Variants in PHF21A observed in about 807,000 individuals in gnomAD.
PHF21A encodes the protein BHC80a.
A neutral mutation model predicts 82.5 loss-of-function variants in PHF21A; 11 were observed. That is an observed-to-expected ratio of 0.13 (90% CI 0.08 to 0.22). The LOEUF is 0.22. PHF21A is among the 10% of genes least tolerant of loss of function. The pLI is 1.00. For synonymous variants in PHF21A, 297 were observed against 302.8 expected (o/e 0.98, Z 0.20); for missense variants, 579 against 837.8 (o/e 0.69, Z 3.81).
At chr11:46,048,827 T>C (rs556473028) in intron 6 of PHF21A, among the ~76,000 whole-genome samples, 2 of 152,234 alleles carry the variant, frequency 1.3e-5, no homozygotes, top group African/African-American at 4.8e-5. Context: ...TTAGGATCTA[T>C]ACCTGGAAAT....
At chr11:46,119,059 C>T (rs944866700) in intron 1 of PHF21A, among the ~76,000 whole-genome samples, 3 of 151,928 alleles carry the variant, frequency 2.0e-5, no homozygotes, top group African/African-American at 7.3e-5. Flanking sequence ...TTAAAGAATC[C>T]CTATCAAGTG....
At chr11:46,101,664 G>A (rs1321686898) in intron 1 of PHF21A, among the ~76,000 whole-genome samples, 6 of 152,036 alleles carry the variant, frequency 3.9e-5, no homozygotes, top group African/African-American at 1.2e-4. Context: ...ACAGTGTCTC[G>A]CTTTGTTGCC....
intron 1 of PHF21A, chr11:46,117,376 T>G (rs894661026): frequency 1.3e-5 from 2 of 152,220 alleles, no homozygotes; most frequent in African/African-American, 4.8e-5. Context: ...ACTGTTAAAG[T>G]AGCTATATTC....
intron 10 of PHF21A, among the ~76,000 whole-genome samples, chr11:45,955,226 G>A (rs985593135): frequency 6.6e-6 from 1 of 151,986 alleles, no homozygotes; most frequent in Non-Finnish European, 1.5e-5. Context: ...AGAGTTGATT[G>A]GGCTTCTGGG....
At chr11:46,072,056 A>G (rs1464368358) in intron 6 of PHF21A, among the ~76,000 whole-genome samples, 1 of 152,060 alleles carries the variant, frequency 6.6e-6, no homozygotes, top group Non-Finnish European at 1.5e-5. Flanking sequence ...AGCAAATAAA[A>G]CAAACACGTT....
chr11:46,061,147 T>C (rs2096530390), intron 6 of PHF21A, among the ~76,000 whole-genome samples: 1 of 152,204 alleles, frequency 6.6e-6, no homozygotes, highest in South Asian at 2.1e-4. Flanking sequence ...CTGGGTTCTG[T>C]ATTCTGTTCT....
Position 46,014,937 on chromosome 11 carries a change from G to A in PHF21A, c.154-34971C>T, listed in dbSNP as rs1209608019. Among the ~76,000 whole-genome samples the A allele has an allele frequency of 1.9e-4, 18 of 95,470 alleles. 7 individuals are homozygous for A. In the East Asian group the frequency reaches 5.1e-3, roughly 27 times the overall value. The allele number at this position is 95,470 out of a possible 152,430, so 62.6% of individuals were successfully genotyped here. A position where few individuals can be genotyped will look rare whatever the true frequency, so the allele number is the denominator to read the frequency against. The stretch of plus-strand genomic sequence containing the variant: ...GGAGCTTGCAGTGAGCCGAGATCCC[G>A]CCACTGCACTCCAGCCTGGGCGACA... On this transcript the variant is annotated intron_variant, in intron 6 of 18. Coordinates refer to ENST00000676320, the MANE Select transcript of PHF21A (RefSeq NM_001352027.3).
chr11:45,979,258 A>G (rs1039900251), intron 7 of PHF21A, among the ~76,000 whole-genome samples: 1 of 152,054 alleles, frequency 6.6e-6, no homozygotes, highest in African/African-American at 2.4e-5. Flanking sequence ...ACCTCAAGTG[A>G]TCTGCCCACC....
At chr11:46,064,645 A>G (rs1209888748) in intron 6 of PHF21A, among the ~76,000 whole-genome samples, 5 of 152,132 alleles carry the variant, frequency 3.3e-5, no homozygotes, top group African/African-American at 9.7e-5. Flanking sequence ...TCTGTTGGGG[A>G]AAAAAAGAAG....
At chr11:46,083,899 G>T (rs1199014498) in intron 4 of PHF21A, among the ~76,000 whole-genome samples, 1 of 151,946 alleles carries the variant, frequency 6.6e-6, no homozygotes, top group Non-Finnish European at 1.5e-5. Context: ...GCAGAAAAAA[G>T]ATTTCTTTCT....
chr11:45,966,375 TTGA>T (rs1310086053), intron 9 of PHF21A, among the ~76,000 whole-genome samples: 1 of 152,216 alleles, frequency 6.6e-6, no homozygotes, highest in Non-Finnish European at 1.5e-5. Flanking sequence ...GGAATCACTC[TTGA>T]TGATTCCTAC....
chr11:46,035,227 T>C (rs1408309695), intron 6 of PHF21A, among the ~76,000 whole-genome samples: 1 of 152,200 alleles, frequency 6.6e-6, no homozygotes, highest in Non-Finnish European at 1.5e-5. Context: ...TTTCCTGAAG[T>C]GGACAGCCAA....
intron 1 of PHF21A, among the ~76,000 whole-genome samples, chr11:46,097,766 A>G (rs2097022167): frequency 6.6e-6 from 1 of 152,036 alleles, no homozygotes; most frequent in African/African-American, 2.4e-5. Flanking sequence ...ATTCATTTTC[A>G]AGTTTAACCA....
intron 3 of PHF21A, among the ~76,000 whole-genome samples, chr11:46,089,280 A>T (rs900242073): frequency 1.3e-5 from 2 of 152,174 alleles, no homozygotes; most frequent in Admixed American, 1.3e-4. Flanking sequence ...AATACTTCCT[A>T]CTATGTATCT....
At chr11:46,098,714 T>A (rs532543065) in intron 1 of PHF21A, among the ~76,000 whole-genome samples, 1 of 152,286 alleles carries the variant, frequency 6.6e-6, no homozygotes, top group African/African-American at 2.4e-5. Flanking sequence ...AAAACTCTTG[T>A]CATTAACAAC....
chr11:46,009,005 C>T (rs2095358443), intron 6 of PHF21A, among the ~76,000 whole-genome samples: 1 of 128,110 alleles, frequency 7.8e-6, no homozygotes, highest in Non-Finnish European at 1.6e-5. Flanking sequence ...GAGACGGAGT[C>T]TCACTGTCGC....
intron 6 of PHF21A, among the ~76,000 whole-genome samples, chr11:46,022,111 T>G (rs1176087850): frequency 6.6e-6 from 1 of 152,194 alleles, no homozygotes. Flanking sequence ...TGGTTATTTT[T>G]CTATTATAGA....
chr11:45,948,855 C>T, intron 14 of PHF21A, 31 bp downstream of exon 14: 1 of 1,564,256 alleles, frequency 6.4e-7, no homozygotes, highest in Non-Finnish European at 8.8e-7. Flanking sequence ...AAAGCAACAG[C>T]AGCAAGGGAG....
chr11:45,995,729 C>T (rs2094885297), intron 6 of PHF21A, among the ~76,000 whole-genome samples: 1 of 152,166 alleles, frequency 6.6e-6, no homozygotes, highest in East Asian at 1.9e-4. Flanking sequence ...TAAGCAGAAG[C>T]TGAACGCAGC....
Sources: allele counts gnomAD v4.1 joint callset (sites outside exome capture counted in the v4.1 genomes callset), GRCh38; gene constraint gnomAD v4.1.1; transcripts MANE v1.5; gene names NCBI Gene and HGNC (gene_info 2026-07-23, HGNC 2026-07-21).